The following PBX4 variants were observed in gnomAD, a reference collection of about 807,000 sequenced individuals.
The protein encoded by PBX4 is PBX homeobox 4.
In PBX4, 26 loss-of-function variants were observed where a neutral mutation model predicts 35.1. The ratio of observed to expected loss-of-function variants is 0.74; its 90% CI spans 0.54 to 1.03. The LOEUF (loss-of-function observed/expected upper bound fraction) is 1.03, where lower values mean the gene tolerates loss of function less well. Among genes scored for constraint, PBX4 ranks in the 50% least tolerant of loss-of-function variants. PBX4 has a pLI of 0.00. For synonymous variants in PBX4, 199 were observed against 204.2 expected, an observed-to-expected ratio of 0.97 and a Z score of 0.22; for missense variants, 448 against 504.3, an observed-to-expected ratio of 0.89 and a Z score of 1.07.
chr19:19,591,899 C>T (rs1050878571), intron 2 of PBX4, among the ~76,000 whole-genome samples: 2 of 152,150 alleles, frequency 1.3e-5, no homozygotes, highest in Non-Finnish European at 2.9e-5. Flanking sequence ...CTCACTTTGT[C>T]GCCCAAGCTG....
intron 1 of PBX4, among the ~76,000 whole-genome samples, chr19:19,603,200 C>T (rs929554943): frequency 3.3e-5 from 5 of 152,184 alleles, no homozygotes; most frequent in African/African-American, 1.2e-4. Context: ...AATAAACTTC[C>T]CTTTCAACAG....
chr19:19,570,828 T>C lies in PBX4; in HGVS notation c.199A>G (p.Ser67Gly). Residue 67 changes from serine to glycine, a missense_variant, in exon 3 of 8, where the codon AGC (serine) becomes GGC (glycine). Physicochemically the swap from Ser to Gly is moderately conservative, Grantham distance 56. Coordinates refer to ENST00000251203, the MANE Select transcript of PBX4 (RefSeq NM_025245.3). ...TCTTCGTCTTGAATGCCACGGATGC[T>C]TACCACTAGATAAGAGAGACCGGGA... ...LCEIKEKTVV[S>G]IRGIQDEDPP... is the part of the protein sequence containing the mutation. 1 of 1,613,952 alleles carries C rather than the reference T, an allele frequency of 6.2e-7. No individual in the cohort carries two copies. Among genetic ancestry groups the C allele is most frequent in the Non-Finnish European group, 8.5e-7 (1 of 1,180,016 alleles).
intron 2 of PBX4, among the ~76,000 whole-genome samples, chr19:19,581,337 A>T (rs893493515): frequency 6.6e-6 from 1 of 152,118 alleles, no homozygotes; most frequent in Non-Finnish European, 1.5e-5. Flanking sequence ...CTGAAGGCTG[A>T]GCCTGAGCTG....
chr19:19,604,646 G>T (rs2061618821), intron 1 of PBX4, among the ~76,000 whole-genome samples: 1 of 151,246 alleles, frequency 6.6e-6, no homozygotes, highest in Non-Finnish European at 1.5e-5. Flanking sequence ...TGTCACCCAG[G>T]CTGGAGTGCA....
chr19:19,594,108 A>T (rs772836483), intron 2 of PBX4, among the ~76,000 whole-genome samples: 8 of 147,536 alleles, frequency 5.4e-5, no homozygotes, highest in South Asian at 2.2e-4. Context: ...AATAAAAAAT[A>T]AAAAATTAAA....
At chr19:19,600,125 G>A (rs2061588033) in intron 1 of PBX4, among the ~76,000 whole-genome samples, 2 of 149,662 alleles carry the variant, frequency 1.3e-5, no homozygotes, top group South Asian at 4.2e-4. Flanking sequence ...CCAGGCAATA[G>A]AGTGAGACTC....
At chr19:19,611,915 C>T (rs2061664813) in intron 1 of PBX4, among the ~76,000 whole-genome samples, 1 of 151,738 alleles carries the variant, frequency 6.6e-6, no homozygotes, top group African/African-American at 2.4e-5. Context: ...GGCAGGAGGA[C>T]AGCTTGAGCC....
chr19:19,596,724 G>A (rs1320353960), intron 2 of PBX4, among the ~76,000 whole-genome samples: 1 of 152,066 alleles, frequency 6.6e-6, no homozygotes, highest in East Asian at 1.9e-4. Context: ...TTTGAGACCA[G>A]CCTGGGCAAC....
intron 2 of PBX4, among the ~76,000 whole-genome samples, chr19:19,580,566 T>C (rs2061447583): frequency 2.0e-5 from 3 of 152,186 alleles, no homozygotes; most frequent in African/African-American, 4.8e-5. Flanking sequence ...CAGCTTATCT[T>C]GTAGTCAAAG....
intron 2 of PBX4, among the ~76,000 whole-genome samples, chr19:19,596,433 T>C (rs1324141093): frequency 1.3e-5 from 2 of 152,100 alleles, no homozygotes; most frequent in Admixed American, 6.6e-5. Flanking sequence ...GTTTTTAATA[T>C]ATAAAAACAT....
intron 1 of PBX4, among the ~76,000 whole-genome samples, chr19:19,612,559 G>C (rs966132548): frequency 6.6e-6 from 1 of 152,168 alleles, no homozygotes; most frequent in Non-Finnish European, 1.5e-5. Flanking sequence ...AATCTACCAG[G>C]CTGCAGGGTT....
chr19:19,588,561 G>A, intron 2 of PBX4: 1 of 442,368 alleles, frequency 2.3e-6, no homozygotes, highest in South Asian at 2.0e-5. Context: ...ACAGGTGTGA[G>A]CCACCGTGTG....
intron 2 of PBX4, among the ~76,000 whole-genome samples, chr19:19,594,124 C>T (rs1599367932): frequency 2.0e-5 from 3 of 150,322 alleles, no homozygotes; most frequent in East Asian, 2.0e-4. Flanking sequence ...TTAAAAATGT[C>T]GCCGGGCATG....
intron 2 of PBX4, among the ~76,000 whole-genome samples, chr19:19,583,175 A>G (rs917408053): frequency 6.6e-6 from 1 of 152,198 alleles, no homozygotes; most frequent in Non-Finnish European, 1.5e-5. Flanking sequence ...GCTACTTGGG[A>G]GGCTGAGACA....
intron 1 of PBX4, 79 bp from the exon 2 acceptor site, chr19:19,599,444 T>C (rs911851067): frequency 1.5e-6 from 2 of 1,307,684 alleles, no homozygotes; most frequent in Admixed American, 1.8e-5. Context: ...TCTTCCATAC[T>C]GAGAAATCAA....
At chr19:19,604,514 C>G (rs924317612) in intron 1 of PBX4, among the ~76,000 whole-genome samples, 2 of 146,492 alleles carry the variant, frequency 1.4e-5, no homozygotes, top group Non-Finnish European at 3.0e-5. Flanking sequence ...AGATCTTTGT[C>G]TCTGAACTTC....
chr19:19,607,792 G>A (rs1338834193), intron 1 of PBX4, among the ~76,000 whole-genome samples: 2 of 152,082 alleles, frequency 1.3e-5, no homozygotes, highest in Non-Finnish European at 2.9e-5. Flanking sequence ...CCTCATCAAG[G>A]TATCATTTTA....
chr19:19,579,325 A>G (rs779770003), intron 2 of PBX4, among the ~76,000 whole-genome samples: 2 of 151,964 alleles, frequency 1.3e-5, no homozygotes, highest in Non-Finnish European at 2.9e-5. Context: ...GCCTGGCAAC[A>G]GAGTGAGACT....
chr19:19,565,131 C>T, intron 5 of PBX4, 42 bp from the exon 6 acceptor site: 1 of 1,613,120 alleles, frequency 6.2e-7, no homozygotes, highest in Non-Finnish European at 8.5e-7. Flanking sequence ...GACCCAGCGA[C>T]TTCTGAGACA....
Sources: gnomAD v4.1 joint callset for allele counts (sites outside exome capture counted in the v4.1 genomes callset) on GRCh38, gnomAD v4.1.1 for gene constraint, MANE v1.5 for transcripts, NCBI Gene and HGNC (gene_info 2026-07-23, HGNC 2026-07-21) for gene names.